The following DRC11 variants were observed in gnomAD, a reference collection of about 807,000 sequenced individuals.
DRC11 encodes the protein IQ and AAA domain-containing protein 1.
At chr2:236,387,523 TC>T in the DRC11 span, among the ~76,000 whole-genome samples, 1 of 152,096 alleles carries the variant, frequency 6.6e-6, no homozygotes, top group South Asian at 2.1e-4. Context: ...TGGTAGATCT[TC>T]CTCCATCCTT....
the DRC11 span, chr2:236,363,969 T>C: frequency 1.2e-6 from 2 of 1,613,430 alleles, no homozygotes; most frequent in Non-Finnish European, 1.7e-6. This position sits in a 1 kb window ranked among gnomAD's most constrained non-coding sequence, Gnocchi z 5.6. Flanking sequence ...TCTCATGCAC[T>C]GCTGCAGAAC....
At chr2:236,477,399 G>A in the DRC11 span, among the ~76,000 whole-genome samples, 2 of 152,198 alleles carry the variant, frequency 1.3e-5, no homozygotes, top group African/African-American at 4.8e-5. Context: ...AAGTAGAAGT[G>A]CATCATCATA....
At chr2:236,493,808 G>A in the DRC11 span, 1 of 1,607,320 alleles carries the variant, frequency 6.2e-7, no homozygotes, top group African/African-American at 1.3e-5. Flanking sequence ...TAATATTTGA[G>A]CAAGAATTTT....
the DRC11 span, chr2:236,487,931 C>T: frequency 9.0e-7 from 1 of 1,115,760 alleles, no homozygotes; most frequent in Non-Finnish European, 1.2e-6. Flanking sequence ...AGCTCAGCCC[C>T]AAAATTGAGA....
the DRC11 span, among the ~76,000 whole-genome samples, chr2:236,359,978 T>C: frequency 6.6e-6 from 1 of 152,140 alleles, no homozygotes; most frequent in African/African-American, 2.4e-5. The surrounding 1 kb of genome is among the most constrained non-coding windows in gnomAD (Gnocchi z 4.3). Context: ...CATTTTGCAG[T>C]CCACACAATG....
At chr2:236,347,728 G>A in the DRC11 span, among the ~76,000 whole-genome samples, 1 of 151,698 alleles carries the variant, frequency 6.6e-6, no homozygotes, top group Non-Finnish European at 1.5e-5. Flanking sequence ...GGGGGTGAGG[G>A]ATGAAAGACT....
the DRC11 span, among the ~76,000 whole-genome samples, chr2:236,495,885 C>T: frequency 2.6e-5 from 4 of 152,106 alleles, no homozygotes; most frequent in Non-Finnish European, 4.4e-5. The surrounding 1 kb of genome is among the most constrained non-coding windows in gnomAD (Gnocchi z 5.6). Flanking sequence ...CCCATCCCCA[C>T]GGCAACAATG....
At chr2:236,389,256 C>G in the DRC11 span, among the ~76,000 whole-genome samples, 16 of 152,196 alleles carry the variant, frequency 1.1e-4, no homozygotes, top group Non-Finnish European at 5.9e-5. Flanking sequence ...CGCCCCTCCC[C>G]CAGCCTCGCT....
the DRC11 span, among the ~76,000 whole-genome samples, chr2:236,450,231 T>C: frequency 6.6e-6 from 1 of 151,996 alleles, no homozygotes; most frequent in Non-Finnish European, 1.5e-5. Flanking sequence ...TTTGAAAATA[T>C]TTTTGTTTCT....
chr2:236,354,285 A>AGTGTGCACATGTGTGCGTGTGTGTATGAG, the DRC11 span, among the ~76,000 whole-genome samples: 8 of 55,176 alleles, frequency 1.4e-4, no homozygotes, highest in African/African-American at 6.9e-4. Flanking sequence ...GTATGAGTTT[A>AGTGTGCACATGTGTGCGTGTGTGTATGAG]TGTTAGTGTG....
At chr2:236,349,191 C>G in the DRC11 span, among the ~76,000 whole-genome samples, 1 of 152,044 alleles carries the variant, frequency 6.6e-6, no homozygotes, top group Non-Finnish European at 1.5e-5. The surrounding 1 kb of genome is among the most constrained non-coding windows in gnomAD (Gnocchi z 5.5). Context: ...GATTTCCTTC[C>G]AACATGGCCT....
the DRC11 span, among the ~76,000 whole-genome samples, chr2:236,393,113 C>T: frequency 6.6e-6 from 1 of 152,144 alleles, no homozygotes. The surrounding 1 kb of genome is among the most constrained non-coding windows in gnomAD (Gnocchi z 4.7). Context: ...CCATGGGAAG[C>T]CAAGACTTGT....
chr2:236,466,885 C>T, the DRC11 span, among the ~76,000 whole-genome samples: 5 of 152,144 alleles, frequency 3.3e-5, no homozygotes, highest in African/African-American at 1.2e-4. Context: ...GAAGTATGTC[C>T]TTGAGTGTAA....
the DRC11 span, among the ~76,000 whole-genome samples, chr2:236,356,720 C>A: frequency 2.1e-3 from 324 of 151,578 alleles, no homozygotes; most frequent in Non-Finnish European, 3.3e-3. Context: ...CAGAAAAAGC[C>A]CTTCCCGCTC....
chr2:236,380,550 C>G, the DRC11 span: 3 of 1,547,414 alleles, frequency 1.9e-6, no homozygotes, highest in Non-Finnish European at 2.6e-6. This position sits in a 1 kb window ranked among gnomAD's most constrained non-coding sequence, Gnocchi z 4.9. Flanking sequence ...CATCACAACA[C>G]AACGAGTCCA....
At chr2:236,358,397 T>A in the DRC11 span, among the ~76,000 whole-genome samples, 1 of 139,986 alleles carries the variant, frequency 7.1e-6, no homozygotes, top group African/African-American at 2.6e-5. Context: ...TATATGAATA[T>A]CATATATAAA....
the DRC11 span, among the ~76,000 whole-genome samples, chr2:236,402,021 C>T: frequency 1.2e-4 from 19 of 152,304 alleles, no homozygotes; most frequent in Middle Eastern, 3.4e-3. The surrounding 1 kb of genome is among the most constrained non-coding windows in gnomAD (Gnocchi z 6.0). Context: ...ACACAACCAT[C>T]GGAATAAAAG....
At chr2:236,365,006 C>T in the DRC11 span, among the ~76,000 whole-genome samples, 64 of 152,128 alleles carry the variant, frequency 4.2e-4, no homozygotes, top group Non-Finnish European at 7.5e-4. The surrounding 1 kb of genome is among the most constrained non-coding windows in gnomAD (Gnocchi z 7.4). Flanking sequence ...GTAGGGGCTG[C>T]GGCAATCTAA....
At chr2:236,416,745 ATATATATATATATATATATATAT>A in the DRC11 span, among the ~76,000 whole-genome samples, 21 of 59,628 alleles carry the variant, frequency 3.5e-4, 2 homozygotes, top group African/African-American at 1.3e-3. Flanking sequence ...ATATATATAT[ATATATATATATATATATATATAT>A]AAATAATTTT....
Sources: allele counts gnomAD v4.1 joint callset (sites outside exome capture counted in the v4.1 genomes callset), GRCh38; gene constraint gnomAD v4.1.1; non-coding constraint Gnocchi (gnomAD v3.1); transcripts MANE v1.5; gene names NCBI Gene and HGNC (gene_info 2026-07-23, HGNC 2026-07-21).